DPRX: variants seen among roughly 807,000 people sequenced by gnomAD.
DPRX encodes divergent paired-related homeobox.
In DPRX, 11 loss-of-function variants were observed where a neutral mutation model predicts 8.4. The observed-to-expected ratio is 1.31, with a 90% CI of 0.82 to 2.17. The LOEUF is 2.17. DPRX is among the 30% of genes most tolerant of loss of function. The probability of loss-of-function intolerance (pLI) is 0.00; values close to 1 mark genes in which losing one functional copy is unlikely to be tolerated. For missense variants in DPRX, 211 were observed against 236.7 expected, an observed-to-expected ratio of 0.89 and a Z score of 0.71; for synonymous variants, 72 against 87.0, an observed-to-expected ratio of 0.83 and a Z score of 0.96.
the DPRX span, among the ~76,000 whole-genome samples, chr19:53,617,584 A>G: frequency 6.6e-6 from 1 of 151,760 alleles, no homozygotes; most frequent in Non-Finnish European, 1.5e-5. Flanking sequence ...AAGAAAAAAA[A>G]AAAGAAATCA....
the DPRX span, among the ~76,000 whole-genome samples, chr19:53,610,735 T>C: frequency 1.5e-4 from 23 of 152,242 alleles, no homozygotes; most frequent in African/African-American, 5.5e-4. Flanking sequence ...ACGAGTTTGT[T>C]TGTGATTCTG....
chr19:53,603,376 C>T, the DPRX span: 34 of 456,524 alleles, frequency 7.4e-5, no homozygotes, highest in Non-Finnish European at 1.1e-4. Flanking sequence ...CATCCATAGA[C>T]GATGCGGCCC....
the DPRX span, among the ~76,000 whole-genome samples, chr19:53,618,153 A>C: frequency 1.6e-5 from 1 of 60,718 alleles, no homozygotes; most frequent in Non-Finnish European, 3.2e-5. Flanking sequence ...AAAAAAAAAA[A>C]AAGAAAGAAA....
the DPRX span, among the ~76,000 whole-genome samples, chr19:53,603,035 GTGTA>G: frequency 2.7e-5 from 4 of 150,554 alleles, no homozygotes; most frequent in Admixed American, 2.7e-4. Flanking sequence ...GTGTGTGTGT[GTGTA>G]TATATATATA....
At chr19:53,606,033 A>T in the DPRX span, 9 of 152,168 alleles carry the variant, frequency 5.9e-5, no homozygotes, top group African/African-American at 2.2e-4. The surrounding 1 kb of genome is among the most constrained non-coding windows in gnomAD (Gnocchi z 4.8). Flanking sequence ...AAAAAAATTG[A>T]TGAATAATAA....
chr19:53,609,962 GCAA>G, the DPRX span, among the ~76,000 whole-genome samples: 1 of 151,698 alleles, frequency 6.6e-6, no homozygotes, highest in Non-Finnish European at 1.5e-5. Context: ...TCCAGCCTGG[GCAA>G]CAGAGCAAGA....
chr19:53,601,419 G>C, the DPRX span: 1 of 453,752 alleles, frequency 2.2e-6, no homozygotes, highest in Admixed American at 2.4e-5. Context: ...CGTCTGCAAG[G>C]GACCCTTATT....
At chr19:53,631,044 G>A (rs1321319596), upstream of DPRX, among the ~76,000 whole-genome samples, 2 of 151,620 alleles carry the variant, frequency 1.3e-5, no homozygotes, top group African/African-American at 2.4e-5. Flanking sequence ...ATGGGGTTTC[G>A]CCATGTTGGC....
chr19:53,625,568 T>C, the DPRX span, among the ~76,000 whole-genome samples: 6 of 151,984 alleles, frequency 3.9e-5, no homozygotes, highest in Non-Finnish European at 7.4e-5. Context: ...CAGGATCTTC[T>C]CTGTGGTGAG....
At chr19:53,615,205 T>C in the DPRX span, among the ~76,000 whole-genome samples, 9 of 151,568 alleles carry the variant, frequency 5.9e-5, no homozygotes, top group African/African-American at 2.2e-4. Context: ...CTCCTGGCCT[T>C]AGGTGACCCG....
chr19:53,613,884 T>C, the DPRX span, among the ~76,000 whole-genome samples: 1 of 151,910 alleles, frequency 6.6e-6, no homozygotes, highest in Admixed American at 6.6e-5. Flanking sequence ...TTATTGGCCG[T>C]GTGGATATTT....
chr19:53,602,007 A>G, the DPRX span: 2 of 456,350 alleles, frequency 4.4e-6, no homozygotes, highest in South Asian at 3.1e-5. Context: ...CTTGAAGTAA[A>G]GAGGAGTGTT....
At chr19:53,610,983 A>T in the DPRX span, among the ~76,000 whole-genome samples, 1 of 150,086 alleles carries the variant, frequency 6.7e-6, no homozygotes, top group Admixed American at 6.7e-5. Context: ...GCTCAATGAA[A>T]CCTCCGCCTC....
chr19:53,611,665 C>T, the DPRX span, among the ~76,000 whole-genome samples: 2 of 152,166 alleles, frequency 1.3e-5, no homozygotes, highest in Admixed American at 6.6e-5. Context: ...CACGAACACA[C>T]TTCATAGAAT....
the DPRX span, among the ~76,000 whole-genome samples, chr19:53,617,561 C>CAG: frequency 1.9e-5 from 2 of 103,736 alleles, no homozygotes; most frequent in African/African-American, 7.4e-5. Context: ...TCCGTCTCAC[C>CAG]AAAAAAAAAA....
chr19:53,618,011 G>A, the DPRX span, among the ~76,000 whole-genome samples: 14 of 151,214 alleles, frequency 9.3e-5, no homozygotes, highest in African/African-American at 2.9e-4. Flanking sequence ...GGTGGTGGCG[G>A]GGCACCTGTA....
At chr19:53,618,006 TGGCG>T in the DPRX span, among the ~76,000 whole-genome samples, 2 of 151,314 alleles carry the variant, frequency 1.3e-5, no homozygotes, top group East Asian at 3.9e-4. Flanking sequence ...GGCGTGGTGG[TGGCG>T]GGGCACCTGT....
At chr19:53,602,268 G>GTC in the DPRX span, 1 of 41,328 alleles carries the variant, frequency 2.4e-5, no homozygotes, top group South Asian at 1.8e-4. Context: ...ATGGGTATGG[G>GTC]TGTGTGTGTG....
At chr19:53,618,109 C>T in the DPRX span, among the ~76,000 whole-genome samples, 5 of 149,984 alleles carry the variant, frequency 3.3e-5, no homozygotes, top group East Asian at 7.8e-4. Flanking sequence ...TGCCACTGCA[C>T]TCCAGCCTGG....
Sources: allele counts gnomAD v4.1 joint callset (sites outside exome capture counted in the v4.1 genomes callset), GRCh38; gene constraint gnomAD v4.1.1; non-coding constraint Gnocchi (gnomAD v3.1); transcripts MANE v1.5; gene names NCBI Gene and HGNC (gene_info 2026-07-23, HGNC 2026-07-21).